GPC5: variants seen among roughly 807,000 people sequenced by gnomAD.
GPC5 encodes glypican 5.
GPC5 carries 47 observed loss-of-function variants against 53.9 expected under a neutral mutation model. That is an observed-to-expected ratio of 0.87 (90% CI 0.69 to 1.11). GPC5 has a LOEUF of 1.11. Among genes scored for constraint, GPC5 ranks in the 50% most tolerant of loss-of-function variants. The pLI is 0.00. For synonymous variants in GPC5, 286 were observed against 263.3 expected (o/e 1.09, Z -0.84); for missense variants, 748 against 713.1 (o/e 1.05, Z -0.56).
chr13:92,633,501 T>C (rs1885322748), intron 7 of GPC5, among the ~76,000 whole-genome samples: 1 of 152,188 alleles, frequency 6.6e-6, no homozygotes, highest in Non-Finnish European at 1.5e-5. Context: ...ACCTGCTCAC[T>C]TGGGTATTAA....
At chr13:92,267,509 T>G (rs190873430) in intron 7 of GPC5, among the ~76,000 whole-genome samples, 21 of 152,254 alleles carry the variant, frequency 1.4e-4, no homozygotes, top group Non-Finnish European at 2.8e-4. Flanking sequence ...TGGCTGATCT[T>G]TCTCAGAATC....
chr13:91,985,489 CT>C (rs1388544855), intron 6 of GPC5, among the ~76,000 whole-genome samples: 12 of 150,486 alleles, frequency 8.0e-5, no homozygotes, highest in Non-Finnish European at 1.5e-5. Flanking sequence ...TTGTTTTTTA[CT>C]TGTTTCATCT....
At chr13:91,673,089 G>T (rs1030096935) in intron 2 of GPC5, among the ~76,000 whole-genome samples, 1 of 152,096 alleles carries the variant, frequency 6.6e-6, no homozygotes, top group East Asian at 1.9e-4. Context: ...GGGGGTTAGG[G>T]GGTGAGGGGA....
chr13:92,459,531 C>A (rs1388272445), intron 7 of GPC5, among the ~76,000 whole-genome samples: 1 of 152,158 alleles, frequency 6.6e-6, no homozygotes, highest in Non-Finnish European at 1.5e-5. Context: ...TCAAATATGA[C>A]AAATTTTCCC....
intron 6 of GPC5, among the ~76,000 whole-genome samples, chr13:92,121,766 T>C (rs1049803708): frequency 1.3e-5 from 2 of 152,196 alleles, no homozygotes; most frequent in Non-Finnish European, 2.9e-5. Flanking sequence ...CCTGACCTCC[T>C]TTTCTCTCAT....
intron 7 of GPC5, among the ~76,000 whole-genome samples, chr13:92,720,567 T>G (rs1888480012): frequency 6.6e-6 from 1 of 152,094 alleles, no homozygotes; most frequent in Admixed American, 6.6e-5. Context: ...TTCTGTGTAA[T>G]TGTCAGAAAT....
intron 2 of GPC5, among the ~76,000 whole-genome samples, chr13:91,511,930 A>T (rs548812307): frequency 6.6e-6 from 1 of 152,278 alleles, no homozygotes; most frequent in Non-Finnish European, 1.5e-5. Flanking sequence ...TATATATAAA[A>T]GAATAGGGGA....
chr13:92,483,760 A>G lies in GPC5; in HGVS notation c.1561+338771A>G, dbSNP rs540917033. On this transcript the variant is annotated intron_variant, in intron 7 of 7. Coordinates refer to ENST00000377067, the MANE Select transcript of GPC5 (RefSeq NM_004466.6). ...TACAGTTATACCTGATTTTTTTGTT[A>G]TATTATTCTAAAGCTTTTATCTAGT... Among the ~76,000 whole-genome samples the G allele has an allele frequency of 1.1e-3, 174 of 151,472 alleles. 1 individual carries two copies. Among genetic ancestry groups the G allele is most frequent in the South Asian group, 7.7e-3 (37 of 4,800 alleles).
At chr13:91,813,993 C>T (rs2038359470) in intron 5 of GPC5, among the ~76,000 whole-genome samples, 1 of 123,884 alleles carries the variant, frequency 8.1e-6, no homozygotes, top group South Asian at 2.7e-4. Flanking sequence ...AGTGCAGTGG[C>T]GTGATCTCGG....
intron 7 of GPC5, among the ~76,000 whole-genome samples, chr13:92,336,435 C>T (rs1396198187): frequency 6.6e-6 from 1 of 152,042 alleles, no homozygotes; most frequent in Non-Finnish European, 1.5e-5. Flanking sequence ...GGTTTTTGTA[C>T]ATATGAACAA....
chr13:92,205,129 C>T (rs1400682297), intron 7 of GPC5, among the ~76,000 whole-genome samples: 1 of 152,258 alleles, frequency 6.6e-6, no homozygotes, highest in Middle Eastern at 3.4e-3. Flanking sequence ...CCGCCCACCT[C>T]GGCCTCCCAG....
At chr13:92,613,470 TATA>T (rs1392837531) in intron 7 of GPC5, among the ~76,000 whole-genome samples, 1 of 104,724 alleles carries the variant, frequency 9.5e-6, no homozygotes, top group Non-Finnish European at 1.8e-5. Flanking sequence ...ATATGTATTA[TATA>T]ATTTATATAT....
At chr13:91,625,951 A>G (rs1469709384) in intron 2 of GPC5, among the ~76,000 whole-genome samples, 1 of 152,006 alleles carries the variant, frequency 6.6e-6, no homozygotes, top group South Asian at 2.1e-4. Flanking sequence ...TTAAGCAGAT[A>G]TTTAGTCTTT....
chr13:92,334,826 G>T (rs936696559), intron 7 of GPC5, among the ~76,000 whole-genome samples: 8 of 152,164 alleles, frequency 5.3e-5, no homozygotes, highest in African/African-American at 1.9e-4. Context: ...TTGACTCCGT[G>T]TCTCACATCC....
At chr13:92,335,582 T>C (rs1254223336) in intron 7 of GPC5, among the ~76,000 whole-genome samples, 1 of 152,190 alleles carries the variant, frequency 6.6e-6, no homozygotes, top group East Asian at 1.9e-4. Context: ...TCTTCTCTAC[T>C]GCTTTGTCAG....
At chr13:92,512,390 G>A (rs1259261006) in intron 7 of GPC5, among the ~76,000 whole-genome samples, 1 of 152,066 alleles carries the variant, frequency 6.6e-6, no homozygotes, top group Non-Finnish European at 1.5e-5. Context: ...CACTTAAAAT[G>A]GGAATCCCTA....
At chr13:91,414,816 T>C (rs1026652319) in intron 1 of GPC5, among the ~76,000 whole-genome samples, 5 of 152,188 alleles carry the variant, frequency 3.3e-5, no homozygotes, top group African/African-American at 9.7e-5. Context: ...TTATAAAGTA[T>C]GGCTATTTTC....
intron 7 of GPC5, among the ~76,000 whole-genome samples, chr13:92,301,106 T>C (rs915738133): frequency 6.6e-6 from 1 of 152,166 alleles, no homozygotes; most frequent in African/African-American, 2.4e-5. Context: ...ATCAATGAAA[T>C]AAAATTATCT....
At chr13:91,513,258 G>T (rs920323875) in intron 2 of GPC5, among the ~76,000 whole-genome samples, 2 of 152,148 alleles carry the variant, frequency 1.3e-5, no homozygotes, top group Admixed American at 6.5e-5. Context: ...TGCTTGGTGA[G>T]ATTTTTATGA....
Sources: allele counts gnomAD v4.1 joint callset (sites outside exome capture counted in the v4.1 genomes callset), GRCh38; gene constraint gnomAD v4.1.1; transcripts MANE v1.5; gene names NCBI Gene and HGNC (gene_info 2026-07-23, HGNC 2026-07-21).